SMARCA2: variants seen among roughly 807,000 people sequenced by gnomAD.
SMARCA2 encodes the protein SWI/SNF related BAF chromatin remodeling complex subunit ATPase 2.
Under a neutral mutation model 199.8 loss-of-function variants are expected in SMARCA2, and 61 were observed. That is an observed-to-expected ratio of 0.31 (90% CI 0.25 to 0.38). The LOEUF is 0.38. Ranked by LOEUF, SMARCA2 falls within the 10% of genes least tolerant of loss-of-function variation. SMARCA2 has a pLI of 1.00. For synonymous variants in SMARCA2, 935 were observed against 732.0 expected (o/e 1.28, Z -4.48); for missense variants, 1,344 against 2,012.2 (o/e 0.67, Z 6.35).
At chr9:2,033,486 T>G (rs1204787758) in intron 3 of SMARCA2, among the ~76,000 whole-genome samples, 1 of 152,248 alleles carries the variant, frequency 6.6e-6, no homozygotes, top group Non-Finnish European at 1.5e-5. Flanking sequence ...CTAGGCCTGC[T>G]TCCCAGCAAC....
intron 16 of SMARCA2, 110 bp downstream of exon 16, chr9:2,083,523 T>C: frequency 4.7e-6 from 3 of 632,736 alleles, no homozygotes; most frequent in Non-Finnish European, 8.4e-6. Flanking sequence ...AGTTTTGTCA[T>C]GTACATCATG....
At chr9:2,150,804 G>T (rs1047200266) in intron 27 of SMARCA2, among the ~76,000 whole-genome samples, 4 of 151,510 alleles carry the variant, frequency 2.6e-5, no homozygotes, top group Non-Finnish European at 5.9e-5. Flanking sequence ...AGCAGGTTTG[G>T]TTTCTTCTGA....
At chr9:2,037,468 G>A (rs546753089) in intron 3 of SMARCA2, among the ~76,000 whole-genome samples, 3 of 152,334 alleles carry the variant, frequency 2.0e-5, no homozygotes, top group African/African-American at 7.2e-5. Flanking sequence ...AGTTGGTGGA[G>A]CAAAACCCAT....
intron 4 of SMARCA2, chr9:2,042,054 A>G (rs898483705): frequency 1.3e-5 from 2 of 152,226 alleles, no homozygotes; most frequent in Admixed American, 6.5e-5. Flanking sequence ...ATGACAAGGA[A>G]AAAAACCTAT....
In SMARCA2 at chr9:2,169,877, G is replaced by A. The variant is rs539220978; in HGVS notation, c.4200-542G>A. The stretch of plus-strand genomic sequence containing the variant: ...AAGATCATGAATTCAGTGATCTCTC[G>A]AAAAGGAATAGAGCTCTTGGAAGCA... On this transcript the variant is annotated intron_variant, in intron 28 of 33. Coordinates refer to ENST00000349721, the MANE Select transcript of SMARCA2 (RefSeq NM_003070.5). The surrounding 1 kb of genome is among the most constrained non-coding windows in gnomAD (Gnocchi z 6.5). Among the ~76,000 whole-genome samples the A allele has an allele frequency of 3.5e-4, 54 of 152,296 alleles. No homozygotes were observed. Among genetic ancestry groups the A allele is most frequent in the Middle Eastern group, 6.8e-3 (2 of 294 alleles).
At chr9:2,189,032 G>A (rs1218560489) in intron 32 of SMARCA2, among the ~76,000 whole-genome samples, 4 of 152,058 alleles carry the variant, frequency 2.6e-5, no homozygotes, top group Admixed American at 6.5e-5. Context: ...CCTCTTCCAC[G>A]TTTAAGGATG....
chr9:2,043,866 C>G (rs1226718755), intron 4 of SMARCA2: 1 of 152,218 alleles, frequency 6.6e-6, no homozygotes, highest in Non-Finnish European at 1.5e-5. Flanking sequence ...TTTGTTTCTA[C>G]TTTGACTCCT....
chr9:2,040,011 T>G, intron 4 of SMARCA2, 111 bp downstream of exon 4: 1 of 1,526,124 alleles, frequency 6.6e-7, no homozygotes, highest in African/African-American at 1.4e-5. Flanking sequence ...AGCCTTTTGT[T>G]ATACCTCACT....
At chr9:2,159,440 C>T (rs571076645) in intron 27 of SMARCA2, 3 of 211,692 alleles carry the variant, frequency 1.4e-5, no homozygotes, top group African/African-American at 6.9e-5. Flanking sequence ...CTGCTCCAAA[C>T]CATGCTGCTA....
At chr9:2,111,828 A>G (rs1338968404) in intron 24 of SMARCA2, among the ~76,000 whole-genome samples, 1 of 152,198 alleles carries the variant, frequency 6.6e-6, no homozygotes, top group Non-Finnish European at 1.5e-5. Context: ...ATTCTCATAC[A>G]GATGAGGAGC....
chr9:2,163,669 G>T (rs1259636464), intron 28 of SMARCA2, among the ~76,000 whole-genome samples: 5 of 152,192 alleles, frequency 3.3e-5, no homozygotes, highest in African/African-American at 1.2e-4. Flanking sequence ...TGTAACGTCT[G>T]TTTCTCTGAC....
In SMARCA2 at chr9:2,110,443, A is replaced by G; in HGVS notation, c.3456+26A>G. 1.3e-6 allele frequency: 2 copies of G among 1,555,822 alleles called. No individual in the cohort carries two copies. Among genetic ancestry groups the G allele is most frequent in the Non-Finnish European group, 1.7e-6 (2 of 1,153,136 alleles). The stretch of plus-strand genomic sequence containing the variant: ...GTCTGCATGTCCCACTCAGGTGCCC[A>G]GGCCTCCCTCTGGAGAGCAACTAAA... On this transcript the variant is annotated intron_variant, in intron 24 of 33. Transcript: ENST00000349721. The surrounding 1 kb of genome is among the most constrained non-coding windows in gnomAD (Gnocchi z 4.8).
chr9:2,026,172 C>T (rs972788532), intron 1 of SMARCA2, among the ~76,000 whole-genome samples: 8 of 152,152 alleles, frequency 5.3e-5, no homozygotes, highest in Admixed American at 1.3e-4. Flanking sequence ...GTGAATATCA[C>T]GTCACGTTCT....
At chr9:2,067,444 T>C (rs964657704) in intron 9 of SMARCA2, among the ~76,000 whole-genome samples, 1 of 152,318 alleles carries the variant, frequency 6.6e-6, no homozygotes, top group Admixed American at 6.5e-5. Flanking sequence ...CAGCCAGTCT[T>C]AATTATAGAC....
chr9:2,096,970 AT>A (rs1822299682), intron 20 of SMARCA2: 1 of 559,540 alleles, frequency 1.8e-6, no homozygotes, highest in Admixed American at 3.2e-5. Flanking sequence ...ATATGTTCAT[AT>A]TACCAAAATA....
intron 27 of SMARCA2, among the ~76,000 whole-genome samples, chr9:2,138,590 C>T (rs1426067711): frequency 6.6e-6 from 1 of 152,222 alleles, no homozygotes; most frequent in Non-Finnish European, 1.5e-5. Flanking sequence ...TTCTCTTCCA[C>T]AGCTGCCTCT....
intron 27 of SMARCA2, among the ~76,000 whole-genome samples, chr9:2,129,545 C>G (rs565349082): frequency 6.6e-6 from 1 of 152,312 alleles, no homozygotes; most frequent in South Asian, 2.1e-4. Flanking sequence ...TGTTCACTAA[C>G]CAGGGAGTGC....
chr9:2,084,097 C>T lies in SMARCA2; in HGVS notation c.2427C>T (p.Ala809=), dbSNP rs1479251120. ...TTCTTTCCATTCAGGGTACTCCTGCCATGCGTCGCTCCCTTGTCCCCCAGC... is the reference window on the plus strand; with the variant it reads ...TTCTTTCCATTCAGGGTACTCCTGCTATGCGTCGCTCCCTTGTCCCCCAGC... The part of the protein sequence containing the change: ...VVKISYKGTP[A]MRRSLVPQLR... Residue 809 remains alanine, a synonymous_variant, in exon 17 of 34, where the codon GCC becomes GCT. Coordinates refer to ENST00000349721, the MANE Select transcript of SMARCA2 (RefSeq NM_003070.5). 3.7e-6 allele frequency: 6 copies of T among 1,604,354 alleles called. No homozygotes were observed. Among genetic ancestry groups the T allele is most frequent in the East Asian group, 2.2e-5 (1 of 44,842 alleles).
chr9:2,138,231 G>A (rs911504512), intron 27 of SMARCA2, among the ~76,000 whole-genome samples: 1 of 151,876 alleles, frequency 6.6e-6, no homozygotes, highest in Non-Finnish European at 1.5e-5. Flanking sequence ...AAGACAAAAA[G>A]TATTAATTGG....
Sources: allele counts gnomAD v4.1 joint callset (sites outside exome capture counted in the v4.1 genomes callset), GRCh38; gene constraint gnomAD v4.1.1; non-coding constraint Gnocchi (gnomAD v3.1); transcripts MANE v1.5; gene names NCBI Gene and HGNC (gene_info 2026-07-23, HGNC 2026-07-21).